Variants in KLHL8 observed in about 807,000 individuals in gnomAD.
The protein encoded by KLHL8 is kelch-like protein 8.
Under a neutral mutation model 63.5 loss-of-function variants are expected in KLHL8, and 38 were observed. The observed-to-expected ratio is 0.60, with a 90% CI of 0.46 to 0.78. The LOEUF (loss-of-function observed/expected upper bound fraction) is 0.78. Ranked by LOEUF, KLHL8 falls within the 30% of genes least tolerant of loss-of-function variation. The pLI, the probability that KLHL8 is intolerant of heterozygous loss-of-function variation, is 0.00. For missense variants in KLHL8, 566 were observed against 752.4 expected (o/e 0.75, Z 2.90); for synonymous variants, 224 against 254.3 (o/e 0.88, Z 1.13).
intron 9 of KLHL8, 37 bp from the exon 10 acceptor site, chr4:87,163,679 A>G: frequency 6.2e-7 from 1 of 1,610,422 alleles, no homozygotes; most frequent in Non-Finnish European, 8.5e-7. Context: ...TACAAAGCAT[A>G]ATTTACTTTA....
At chr4:87,181,474 GT>G (rs1731050467) in intron 4 of KLHL8, among the ~76,000 whole-genome samples, 1 of 151,714 alleles carries the variant, frequency 6.6e-6, no homozygotes, top group African/African-American at 2.4e-5. Flanking sequence ...AATTACAGAT[GT>G]TCAATGGCAC....
intron 1 of KLHL8, 90 bp downstream of exon 1, chr4:87,220,328 G>A (rs995027952): frequency 6.5e-6 from 1 of 152,746 alleles, no homozygotes; most frequent in Admixed American, 6.5e-5. Context: ...TGGGGTGAGG[G>A]AGGGCTCGGC....
At chr4:87,167,447 T>G (rs976209647) in intron 8 of KLHL8, 1 of 496,182 alleles carries the variant, frequency 2.0e-6, no homozygotes, top group Non-Finnish European at 4.0e-6. Flanking sequence ...CTGTCCTCAC[T>G]GTTCTGCCCC....
At chr4:87,188,717 C>CA (rs35353804) in intron 2 of KLHL8, among the ~76,000 whole-genome samples, 1 of 151,466 alleles carries the variant, frequency 6.6e-6, no homozygotes, top group Non-Finnish European at 1.5e-5. Flanking sequence ...TTCTCTGGTA[C>CA]AAAAAAATAA....
intron 1 of KLHL8, among the ~76,000 whole-genome samples, chr4:87,232,785 T>C (rs1044878383): frequency 2.6e-5 from 4 of 152,222 alleles, no homozygotes; most frequent in Admixed American, 2.0e-4. Context: ...CTTATCTAGT[T>C]ATGAATGAGG....
intron 2 of KLHL8, among the ~76,000 whole-genome samples, chr4:87,188,602 C>T (rs1731353136): frequency 2.0e-5 from 3 of 152,136 alleles, no homozygotes; most frequent in Admixed American, 6.6e-5. Context: ...CTTTAAGCCA[C>T]ATGTATAAAT....
Position 87,161,625 on chromosome 4 carries a change from T to C in KLHL8, c.*1894A>G, listed in dbSNP as rs1730177701. 1 of 152,224 alleles carries C rather than the reference T, an allele frequency of 6.6e-6. No homozygotes were observed. The highest frequency in any genetic ancestry group is 1.5e-5 in the Non-Finnish European group (1 of 68,034). 9.4% of individuals were successfully genotyped at this position (152,224 alleles called of 1,614,324 possible). On this transcript the variant is annotated 3_prime_UTR_variant, in exon 10 of 10. Coordinates refer to ENST00000273963, the MANE Select transcript of KLHL8 (RefSeq NM_020803.5). ...AAAATAAATATAACAAACATATTAGTAACCATAGCTAAACAAACACTGTAA... is the reference window on the plus strand; with the variant it reads ...AAAATAAATATAACAAACATATTAGCAACCATAGCTAAACAAACACTGTAA...
chr4:87,191,634 G>A (rs911802484), intron 2 of KLHL8, among the ~76,000 whole-genome samples: 4 of 151,908 alleles, frequency 2.6e-5, no homozygotes, highest in Non-Finnish European at 5.9e-5. Context: ...GGGTGCATGT[G>A]TAGGTCTGTT....
At chr4:87,193,964 G>C (rs1244057328) in intron 2 of KLHL8, among the ~76,000 whole-genome samples, 1 of 152,154 alleles carries the variant, frequency 6.6e-6, no homozygotes, top group African/African-American at 2.4e-5. Flanking sequence ...CTTAAACACA[G>C]AATCTTAAAA....
At chr4:87,201,016 T>C (rs1202743669) in intron 1 of KLHL8, among the ~76,000 whole-genome samples, 2 of 152,198 alleles carry the variant, frequency 1.3e-5, no homozygotes, top group African/African-American at 2.4e-5. Flanking sequence ...AAGGACATTA[T>C]ACAAAGTGAA....
intron 1 of KLHL8, among the ~76,000 whole-genome samples, chr4:87,216,339 C>G (rs560426616): frequency 2.6e-5 from 4 of 152,070 alleles, no homozygotes; most frequent in Non-Finnish European, 4.4e-5. Context: ...CTTTCCTTTC[C>G]GCAATATAAC....
At position 87,160,504 on chromosome 4, in the gene KLHL8, C is replaced by G. The variant is rs759389068; in HGVS notation, c.*3015G>C. 3.4e-4 allele frequency: 52 copies of G among 152,098 alleles called. No individual in the cohort carries two copies. The highest frequency in any genetic ancestry group is 3.2e-4 in the Non-Finnish European group (22 of 67,990). 9.4% of individuals were successfully genotyped at this position (152,098 alleles called of 1,614,324 possible). The stretch of plus-strand genomic sequence containing the variant: ...TTATGCAATTTCAAGAAGTCCTTAC[C>G]AAGGCATTCAACAGCACTGTAAGTT... On this transcript the variant is annotated 3_prime_UTR_variant, in exon 10 of 10. Transcript: ENST00000273963.
intron 2 of KLHL8, among the ~76,000 whole-genome samples, chr4:87,191,294 C>A (rs574982711): frequency 2.0e-5 from 3 of 152,102 alleles, no homozygotes; most frequent in Non-Finnish European, 4.4e-5. Flanking sequence ...CATGGCCAAA[C>A]CCCCTCTCTA....
intron 1 of KLHL8, among the ~76,000 whole-genome samples, chr4:87,210,110 G>A (rs1470262014): frequency 2.0e-5 from 3 of 151,912 alleles, no homozygotes; most frequent in South Asian, 2.1e-4. Flanking sequence ...TGCCGGCTTC[G>A]GACTACCAAA....
chr4:87,186,289 T>C (rs2109995818), intron 2 of KLHL8, among the ~76,000 whole-genome samples: 1 of 152,132 alleles, frequency 6.6e-6, no homozygotes, highest in East Asian at 1.9e-4. Flanking sequence ...CTCAACTGAT[T>C]CACCTGCCTC....
intron 1 of KLHL8, among the ~76,000 whole-genome samples, chr4:87,226,833 AAATAAT>A (rs1375254428): frequency 2.4e-4 from 3 of 12,506 alleles, no homozygotes; most frequent in South Asian, 2.0e-3. Flanking sequence ...TATTATTTAT[AAATAAT>A]ATATATATTA....
At chr4:87,222,362 A>T (rs1732892091), upstream of KLHL8, among the ~76,000 whole-genome samples, 1 of 152,140 alleles carries the variant, frequency 6.6e-6, no homozygotes, top group Admixed American at 6.5e-5. Flanking sequence ...CCCCATAAAG[A>T]AGAGTATATA....
chr4:87,214,805 TG>T, intron 1 of KLHL8, among the ~76,000 whole-genome samples: 1 of 152,122 alleles, frequency 6.6e-6, no homozygotes, highest in East Asian at 1.9e-4. Flanking sequence ...TTTTTGGTTT[TG>T]TTTTTTCTTT....
At chr4:87,218,736 T>C (rs1006630050) in intron 1 of KLHL8, among the ~76,000 whole-genome samples, 21 of 151,728 alleles carry the variant, frequency 1.4e-4, no homozygotes, top group African/African-American at 4.6e-4. Context: ...ATCCTTAGAC[T>C]TTTTTTTTCT....
Sources: gnomAD v4.1 joint callset for allele counts (sites outside exome capture counted in the v4.1 genomes callset) on GRCh38, gnomAD v4.1.1 for gene constraint, MANE v1.5 for transcripts, NCBI Gene and HGNC (gene_info 2026-07-23, HGNC 2026-07-21) for gene names.